Variants in PARL observed in about 807,000 individuals in gnomAD.
PARL encodes presenilin associated rhomboid like, also known as presenilin-associated rhomboid-like protein, mitochondrial.
PARL carries 44 observed loss-of-function variants against 51.6 expected under a neutral mutation model. The observed-to-expected ratio is 0.85, with a 90% CI of 0.67 to 1.10. The LOEUF (loss-of-function observed/expected upper bound fraction) is 1.10. PARL is among the 50% of genes least tolerant of loss of function. PARL has a pLI of 0.00. For synonymous variants in PARL, 172 were observed against 164.0 expected, an observed-to-expected ratio of 1.05 and a Z score of -0.37; for missense variants, 441 against 469.5, an observed-to-expected ratio of 0.94 and a Z score of 0.56.
chr3:183,879,782 T>C, intron 1 of PARL: 1 of 625,066 alleles, frequency 1.6e-6, no homozygotes, highest in Non-Finnish European at 2.0e-6. Context: ...AGTGGCACCA[T>C]CTCAACTCAC....
chr3:183,849,907 A>G (rs2108631382), intron 4 of PARL, among the ~76,000 whole-genome samples: 1 of 152,348 alleles, frequency 6.6e-6, no homozygotes, highest in South Asian at 2.1e-4. Context: ...TACAATGAAC[A>G]ATTATATACC....
intron 4 of PARL, chr3:183,844,530 C>T (rs1026947680): frequency 1.9e-6 from 1 of 532,914 alleles, no homozygotes; most frequent in African/African-American, 1.9e-5. Flanking sequence ...CACAGAATTC[C>T]TGGGAAATTG....
chr3:183,842,873 C>CT (rs550073931), intron 5 of PARL, among the ~76,000 whole-genome samples: 11,583 of 123,324 alleles, frequency 0.094, 772 homozygotes, highest in African/African-American at 0.18. Flanking sequence ...ATTTTTAAGA[C>CT]TTTTTTTTTT....
chr3:183,839,955 G>A (rs75998400), intron 7 of PARL, among the ~76,000 whole-genome samples: 8,980 of 151,074 alleles, frequency 0.059, 909 homozygotes, highest in African/African-American at 0.21. Context: ...GGCTGGTTTC[G>A]AATTCTTGGG....
chr3:183,857,363 AT>A (rs1489714054), intron 4 of PARL, among the ~76,000 whole-genome samples: 1 of 152,248 alleles, frequency 6.6e-6, no homozygotes, highest in Non-Finnish European at 1.5e-5. Flanking sequence ...TGAGTTGTAC[AT>A]CTGACATATT....
At chr3:183,853,477 A>G (rs1031066063) in intron 4 of PARL, among the ~76,000 whole-genome samples, 1 of 152,126 alleles carries the variant, frequency 6.6e-6, no homozygotes, top group African/African-American at 2.4e-5. Flanking sequence ...GCTTGAACCC[A>G]GGAGATGGAG....
At position 183,842,466 on chromosome 3, in the gene PARL, T is replaced by C. The variant is rs770259291; in HGVS notation, c.608-19A>G. 6 of 1,608,844 alleles carry C rather than the reference T, an allele frequency of 3.7e-6. No individual in the cohort carries two copies. Among genetic ancestry groups the C allele is most frequent in the Middle Eastern group, 3.3e-4 (2 of 6,078 alleles). ...AGGACCTCTACAAGAGAGAGAAACA[T>C]AGTCTGGTAATCATGAAACACACAG... On this transcript the variant is annotated intron_variant, in intron 5 of 9. Transcript: ENST00000317096.
intron 1 of PARL, among the ~76,000 whole-genome samples, chr3:183,882,383 A>ATG (rs1734655152): frequency 2.4e-5 from 3 of 126,898 alleles, no homozygotes; most frequent in Non-Finnish European, 3.2e-5. Flanking sequence ...ACACATATAT[A>ATG]CATATATATG....
At chr3:183,833,390 T>C (rs1451397613) in intron 9 of PARL, 102 bp downstream of exon 9, 1 of 778,910 alleles carries the variant, frequency 1.3e-6, no homozygotes, top group African/African-American at 1.7e-5. Context: ...GTTGCATAGT[T>C]CAATGTCTCT....
intron 4 of PARL, among the ~76,000 whole-genome samples, chr3:183,860,257 A>G (rs1171873229): frequency 6.6e-6 from 1 of 152,186 alleles, no homozygotes; most frequent in African/African-American, 2.4e-5. Flanking sequence ...GACAAGACAT[A>G]CTAAATAAAC....
intron 1 of PARL, among the ~76,000 whole-genome samples, chr3:183,878,153 T>C (rs1321179137): frequency 1.3e-5 from 2 of 152,218 alleles, no homozygotes; most frequent in Non-Finnish European, 2.9e-5. Context: ...CACTCGTACC[T>C]GGAGCCTTAG....
chr3:183,860,667 T>C (rs1018424386), intron 4 of PARL, among the ~76,000 whole-genome samples: 1 of 152,230 alleles, frequency 6.6e-6, no homozygotes, highest in African/African-American at 2.4e-5. Context: ...GAAAAGGTTT[T>C]AAACTCTGAT....
chr3:183,875,415 CAA>C (rs61316689), intron 1 of PARL, among the ~76,000 whole-genome samples: 1 of 60,150 alleles, frequency 1.7e-5, no homozygotes. Flanking sequence ...ACTCTGTCTC[CAA>C]AAAAAAAAAA....
At chr3:183,882,462 A>C (rs1734680847) in intron 1 of PARL, among the ~76,000 whole-genome samples, 1 of 151,188 alleles carries the variant, frequency 6.6e-6, no homozygotes. Context: ...TCTCAATATA[A>C]ACTTTCCATA....
chr3:183,833,413 G>A (rs1472201676), intron 9 of PARL, 79 bp downstream of exon 9: 2 of 863,234 alleles, frequency 2.3e-6, no homozygotes, highest in Admixed American at 1.8e-5. Flanking sequence ...CATGGGGATG[G>A]GGGGTAGGGG....
At chr3:183,832,479 A>G (rs1728061631) in intron 9 of PARL, among the ~76,000 whole-genome samples, 1 of 152,136 alleles carries the variant, frequency 6.6e-6, no homozygotes, top group Non-Finnish European at 1.5e-5. Flanking sequence ...TTGGCCTCCC[A>G]AAGTGCTGGG....
chr3:183,881,171 G>C (rs1200466679), intron 1 of PARL, among the ~76,000 whole-genome samples: 1 of 147,600 alleles, frequency 6.8e-6, no homozygotes, highest in Non-Finnish European at 1.5e-5. Flanking sequence ...CCCCAGGCTG[G>C]AGTACAGTGA....
chr3:183,862,880 C>G, intron 3 of PARL, 79 bp from the exon 4 acceptor site: 1 of 1,089,630 alleles, frequency 9.2e-7, no homozygotes, highest in Non-Finnish European at 1.4e-6. Context: ...GAAAATGCCT[C>G]GCACATAAGA....
chr3:183,866,590 TTAAC>T (rs1732503454), intron 3 of PARL, 31 bp downstream of exon 3: 1 of 1,588,462 alleles, frequency 6.3e-7, no homozygotes, highest in Non-Finnish European at 8.6e-7. Context: ...AAAACCGTGA[TTAAC>T]TAGAAGAAAG....
Sources: allele counts gnomAD v4.1 joint callset (sites outside exome capture counted in the v4.1 genomes callset), GRCh38; gene constraint gnomAD v4.1.1; transcripts MANE v1.5; gene names NCBI Gene and HGNC (gene_info 2026-07-23, HGNC 2026-07-21).